NLRP11: variants seen among roughly 807,000 people sequenced by gnomAD.
NLRP11 encodes the protein NLR family pyrin domain containing 11, also known as NACHT, LRR and PYD domains-containing protein 11.
NLRP11 carries 53 observed loss-of-function variants against 79.3 expected under a neutral mutation model. The ratio of observed to expected loss-of-function variants is 0.67; its 90% confidence interval spans 0.54 to 0.84. The LOEUF (loss-of-function observed/expected upper bound fraction) is 0.84, where lower values mean the gene tolerates loss of function less well. NLRP11 is among the 40% of genes least tolerant of loss of function. The pLI, the probability that NLRP11 is intolerant of heterozygous loss-of-function variation, is 0.00. For missense variants in NLRP11, 1,264 were observed against 1,255.0 expected, an observed-to-expected ratio of 1.01 and a Z score of -0.11; for synonymous variants, 518 against 462.6, an observed-to-expected ratio of 1.12 and a Z score of -1.54.
intron 1 of NLRP11, among the ~76,000 whole-genome samples, chr19:55,830,492 T>C (rs1982645296): frequency 6.6e-6 from 1 of 151,840 alleles, no homozygotes; most frequent in African/African-American, 2.4e-5. Context: ...AAATATTTAA[T>C]CATGACCCTC....
intron 8 of NLRP11, 23 bp from the exon 9 acceptor site, chr19:55,789,000 AG>A (rs746541818): frequency 6.2e-7 from 1 of 1,612,992 alleles, no homozygotes; most frequent in South Asian, 1.1e-5. Context: ...TGCACAGGTA[AG>A]GTGGGGCCAA....
intron 4 of NLRP11, among the ~76,000 whole-genome samples, chr19:55,803,360 C>A (rs923751686): frequency 1.3e-5 from 2 of 151,928 alleles, no homozygotes; most frequent in African/African-American, 4.8e-5. Context: ...ACAAACAAAA[C>A]AAAACAAAAA....
chr19:55,791,090 C>T (rs555174043), intron 7 of NLRP11, among the ~76,000 whole-genome samples: 20 of 152,304 alleles, frequency 1.3e-4, no homozygotes, highest in African/African-American at 2.9e-4. Flanking sequence ...AACATAGCCA[C>T]ACCCATTTGA....
intron 4 of NLRP11, among the ~76,000 whole-genome samples, chr19:55,803,485 T>C (rs1490027246): frequency 6.6e-6 from 1 of 152,192 alleles, no homozygotes; most frequent in African/African-American, 2.4e-5. Context: ...ACAGAAGTGC[T>C]TCTGTACAGC....
chr19:55,832,811 G>C (rs1050067201), upstream of NLRP11: 1 of 152,186 alleles, frequency 6.6e-6, no homozygotes, highest in Non-Finnish European at 1.5e-5. Context: ...GGACGGGAAA[G>C]TGATGAAAGA....
intron 7 of NLRP11, among the ~76,000 whole-genome samples, chr19:55,789,860 A>G (rs192366918): frequency 2.0e-5 from 3 of 152,312 alleles, no homozygotes; most frequent in Admixed American, 1.3e-4. Context: ...TCCTTTCTCA[A>G]AGCAAGCAAC....
At chr19:55,834,179 G>C (rs1253758620), upstream of NLRP11, among the ~76,000 whole-genome samples, 3 of 152,108 alleles carry the variant, frequency 2.0e-5, no homozygotes, top group Non-Finnish European at 4.4e-5. Flanking sequence ...TCAGTGAATG[G>C]TTCTTATATA....
At chr19:55,802,964 T>G (rs532325738) in intron 4 of NLRP11, among the ~76,000 whole-genome samples, 1 of 152,212 alleles carries the variant, frequency 6.6e-6, no homozygotes, top group African/African-American at 2.4e-5. Flanking sequence ...GCTAGTCATA[T>G]GCAGAAGACT....
chr19:55,808,967 C>G, exon 3 of NLRP11: 2 of 1,614,122 alleles, frequency 1.2e-6, no homozygotes, highest in Non-Finnish European at 1.7e-6. Flanking sequence ...CTCATAGAGA[C>G]AGTAAAACAA....
At position 55,809,051 on chromosome 19, in the gene NLRP11, C is replaced by T. The variant is rs777669068; in HGVS notation, c.1559G>A (p.Ser520Asn). ...GTATCCCACCGAGTACCACTTGAAG[C>T]TGTCTACCATCGGTAGCTGGTATCC... The change falls in exon 3 of 10, where the codon AGC (serine) becomes AAC (asparagine). Residue 520 changes from serine to asparagine, a missense_variant. By Grantham distance (46) the Ser-to-Asn change is conservative (BLOSUM62 1). Transcript: ENST00000589093. The surrounding 1 kb of genome is among the most constrained non-coding windows in gnomAD (Gnocchi z 4.5). 8 of 1,614,062 alleles carry T rather than the reference C, an allele frequency of 5.0e-6. No individual in the cohort carries two copies. The highest frequency in any genetic ancestry group is 3.4e-6 in the Non-Finnish European group (4 of 1,179,986).
chr19:55,793,217 T>C (rs758533685), intron 6 of NLRP11, among the ~76,000 whole-genome samples: 1 of 151,974 alleles, frequency 6.6e-6, no homozygotes, highest in Non-Finnish European at 1.5e-5. Context: ...CTGTTTGCCC[T>C]GGGAATACTG....
chr19:55,791,697 C>T (rs993694058), intron 7 of NLRP11, among the ~76,000 whole-genome samples: 1 of 152,058 alleles, frequency 6.6e-6, no homozygotes, highest in African/African-American at 2.4e-5. Context: ...GTGGGAGAAT[C>T]ACTACTTCTG....
At chr19:55,832,273 A>G (rs1426227264), upstream of NLRP11, among the ~76,000 whole-genome samples, 1 of 152,230 alleles carries the variant, frequency 6.6e-6, no homozygotes, top group East Asian at 1.9e-4. Flanking sequence ...TGACTTAGGC[A>G]GTGCCGGGGG....
rs1568632787 is a variant in NLRP11 at position 55,801,752 on chromosome 19, T to C, written c.2004-13A>G. 3.1e-6 allele frequency: 5 copies of C among 1,613,134 alleles called. No individual in the cohort carries two copies. The East Asian group carries it at 8.9e-5, about 29-fold the overall frequency. On this transcript the variant is annotated splice_polypyrimidine_tract_variant and intron_variant, in intron 4 of 9. Transcript: ENST00000589093. The stretch of plus-strand genomic sequence containing the variant: ...GACATAGGACAACCTGTGGAAGACA[T>C]AATAGCAGGAAAGCACTAGTGAAGG...
At chr19:55,822,764 G>A (rs906588107) in intron 1 of NLRP11, among the ~76,000 whole-genome samples, 7 of 152,158 alleles carry the variant, frequency 4.6e-5, no homozygotes, top group South Asian at 2.1e-4. Flanking sequence ...AGGGTCCTAT[G>A]CCCACGGAGT....
chr19:55,822,606 G>A (rs997693064), intron 1 of NLRP11, among the ~76,000 whole-genome samples: 6 of 152,138 alleles, frequency 3.9e-5, no homozygotes, highest in African/African-American at 9.7e-5. Flanking sequence ...CCTGGGAAGC[G>A]CGAGGGGTCA....
chr19:55,816,017 T>A (rs563863800), intron 2 of NLRP11, among the ~76,000 whole-genome samples: 1 of 152,342 alleles, frequency 6.6e-6, no homozygotes, highest in East Asian at 1.9e-4. Context: ...CTGTGAGTCA[T>A]AACGATGAGT....
At chr19:55,802,925 C>T (rs1032061829) in intron 4 of NLRP11, among the ~76,000 whole-genome samples, 3 of 152,158 alleles carry the variant, frequency 2.0e-5, no homozygotes, top group Admixed American at 2.0e-4. Flanking sequence ...AAAAGACTCC[C>T]TTTTCAATAA....
chr19:55,829,921 C>T (rs1982587168), intron 1 of NLRP11, among the ~76,000 whole-genome samples: 1 of 152,166 alleles, frequency 6.6e-6, no homozygotes, highest in Admixed American at 6.5e-5. Context: ...AGTCAATTAA[C>T]ACATAAGTAG....
Sources: allele counts gnomAD v4.1 joint callset (sites outside exome capture counted in the v4.1 genomes callset), GRCh38; gene constraint gnomAD v4.1.1; non-coding constraint Gnocchi (gnomAD v3.1); transcripts MANE v1.5; gene names NCBI Gene and HGNC (gene_info 2026-07-23, HGNC 2026-07-21).